Variants in SYNE1 observed in about 807,000 individuals in gnomAD.
SYNE1 encodes the protein nesprin-1.
Under a neutral mutation model 1,111.0 loss-of-function variants are expected in SYNE1, and 616 were observed. The ratio of observed to expected loss-of-function variants is 0.55; its 90% CI spans 0.52 to 0.59. The LOEUF (loss-of-function observed/expected upper bound fraction) is 0.59, where lower values mean the gene tolerates loss of function less well. SYNE1 is among the 20% of genes least tolerant of loss of function. The pLI is 0.00. For synonymous variants in SYNE1, 3,855 were observed against 3,825.8 expected (o/e 1.01, Z -0.28); for missense variants, 10,006 against 10,417.0 (o/e 0.96, Z 1.72).
intron 14 of SYNE1, among the ~76,000 whole-genome samples, chr6:152,472,972 G>C (rs1339672745): frequency 2.6e-5 from 4 of 152,040 alleles, no homozygotes; most frequent in Non-Finnish European, 5.9e-5. Flanking sequence ...ATACCCCATA[G>C]GTAACACAGT....
Position 152,380,940 on chromosome 6 carries a change from G to C in SYNE1, c.9009+66C>G, listed in dbSNP as rs2097402580. ...TTAGTTAGCAAGATTTTTTTTTTAAGGAATGATGAAAGTCAAAACATTTTT... is the reference window on the plus strand; with the variant it reads ...TTAGTTAGCAAGATTTTTTTTTTAACGAATGATGAAAGTCAAAACATTTTT... On this transcript the variant is annotated intron_variant, in intron 56 of 145. Transcript: ENST00000367255. 5 of 1,505,986 alleles carry C rather than the reference G, an allele frequency of 3.3e-6. No individual in the cohort carries two copies. The African/African-American group carries it at 4.1e-5, about 12-fold the overall frequency. 93.3% of individuals were successfully genotyped at this position (1,505,986 alleles called of 1,614,324 possible).
intron 9 of SYNE1, among the ~76,000 whole-genome samples, chr6:152,504,394 TCA>T (rs1299490807): frequency 6.6e-6 from 1 of 152,184 alleles, no homozygotes; most frequent in African/African-American, 2.4e-5. Context: ...CTAGGGAAGT[TCA>T]GTCTGAAATT....
At position 152,570,229 on chromosome 6, in the gene SYNE1, A is replaced by G. The variant is rs921723277; in HGVS notation, c.68-30208T>C. ...TTCTTTCTCAGCACCAAGCTATATAAAAGTTAAAACAGTTTATTTCCTCTA... is the reference window on the plus strand; with the variant it reads ...TTCTTTCTCAGCACCAAGCTATATAGAAGTTAAAACAGTTTATTTCCTCTA... On this transcript the variant is annotated intron_variant, in intron 3 of 145. Coordinates refer to ENST00000367255, the MANE Select transcript of SYNE1 (RefSeq NM_182961.4). Among the ~76,000 whole-genome samples, 9 of 152,222 alleles carry G rather than the reference A, an allele frequency of 5.9e-5. No homozygotes were observed. In the South Asian group the frequency reaches 1.0e-3, roughly 17 times the overall value.
chr6:152,455,791 G>A (rs2098691864), intron 23 of SYNE1, 95 bp downstream of exon 23: 1 of 1,551,222 alleles, frequency 6.4e-7, no homozygotes, highest in African/African-American at 1.4e-5. Flanking sequence ...AGCAGGTAAG[G>A]CGTTTTAGCA....
At chr6:152,252,378 C>T (rs1292967453) in intron 104 of SYNE1, among the ~76,000 whole-genome samples, 1 of 152,058 alleles carries the variant, frequency 6.6e-6, no homozygotes, top group African/African-American at 2.4e-5. Flanking sequence ...TTCCAATTTT[C>T]AAAATAATTT....
chr6:152,634,714 A>G (rs79413071), intron 2 of SYNE1, among the ~76,000 whole-genome samples: 1 of 152,254 alleles, frequency 6.6e-6, no homozygotes, highest in Non-Finnish European at 1.5e-5. Context: ...AGAAATCAGC[A>G]TGAAAGATGT....
chr6:152,628,900 A>G (rs1386248628), intron 2 of SYNE1, among the ~76,000 whole-genome samples: 1 of 152,192 alleles, frequency 6.6e-6, no homozygotes, highest in East Asian at 1.9e-4. Context: ...CTAGTTTTCA[A>G]TATGCACGGG....
chr6:152,371,772 G>A (rs1453999104), intron 59 of SYNE1, among the ~76,000 whole-genome samples: 3 of 123,922 alleles, frequency 2.4e-5, no homozygotes, highest in Non-Finnish European at 5.1e-5. Flanking sequence ...GGGAAGGGAG[G>A]AGAGGGGAGG....
intron 2 of SYNE1, among the ~76,000 whole-genome samples, chr6:152,628,943 C>T (rs2099691910): frequency 6.6e-6 from 1 of 152,134 alleles, no homozygotes; most frequent in Non-Finnish European, 1.5e-5. Flanking sequence ...CTGCTTTGCA[C>T]ATGTTTTGCT....
chr6:152,486,077 C>T (rs1035526543), intron 12 of SYNE1, among the ~76,000 whole-genome samples: 1 of 151,992 alleles, frequency 6.6e-6, no homozygotes, highest in Non-Finnish European at 1.5e-5. Flanking sequence ...TGCCTGTAGT[C>T]CCAGCTACTC....
Position 152,436,171 on chromosome 6 carries a change from C to T in SYNE1, c.4150-70G>A, listed in dbSNP as rs2098472393. ...TATCTCTGCCCTCAAATAAAGTGCACATATTGCATACAGAACAGATGGGTG... is the reference window on the plus strand; with the variant it reads ...TATCTCTGCCCTCAAATAAAGTGCATATATTGCATACAGAACAGATGGGTG... On this transcript the variant is annotated intron_variant, in intron 32 of 145. Coordinates refer to ENST00000367255, the MANE Select transcript of SYNE1 (RefSeq NM_182961.4). 3 of 1,523,716 alleles carry T rather than the reference C, an allele frequency of 2.0e-6. No individual in the cohort carries two copies. The East Asian group carries it at 6.7e-5, about 34-fold the overall frequency. The allele number at this position is 1,523,716 out of a possible 1,614,324, so 94.4% of individuals were successfully genotyped here. A position where few individuals can be genotyped will look rare whatever the true frequency, so the allele number is the denominator to read the frequency against.
intron 55 of SYNE1, among the ~76,000 whole-genome samples, chr6:152,382,297 C>T (rs2097433052): frequency 6.6e-6 from 1 of 151,774 alleles, no homozygotes; most frequent in African/African-American, 2.4e-5. Context: ...TAATCAGGCA[C>T]AAAAATGTTC....
chr6:152,539,855 T>C, intron 4 of SYNE1, 105 bp downstream of exon 4: 1 of 1,233,260 alleles, frequency 8.1e-7, no homozygotes, highest in South Asian at 1.2e-5. Flanking sequence ...GTATCATTGA[T>C]TCGCAACAGT....
intron 90 of SYNE1, among the ~76,000 whole-genome samples, chr6:152,309,584 T>A (rs2095486942): frequency 6.6e-6 from 1 of 152,202 alleles, no homozygotes; most frequent in African/African-American, 2.4e-5. Context: ...AAATTAATCT[T>A]TACAAGTTAT....
At chr6:152,413,303 C>T (rs1485055627) in intron 42 of SYNE1, 49 bp downstream of exon 42, 7 of 1,597,252 alleles carry the variant, frequency 4.4e-6, no homozygotes, top group African/African-American at 1.3e-5. Flanking sequence ...CCCAATGTCA[C>T]ATAATAAGTG....
At chr6:152,384,536 T>A (rs77544744) in intron 55 of SYNE1, among the ~76,000 whole-genome samples, 1 of 152,184 alleles carries the variant, frequency 6.6e-6, no homozygotes, top group Non-Finnish European at 1.5e-5. Flanking sequence ...AAAACATACA[T>A]AGTCATAAGA....
rs2098764409 is a variant in SYNE1, at chr6:152,466,009, C to T, written c.1702G>A (p.Glu568Lys). 3.1e-5 allele frequency: 50 copies of T among 1,612,886 alleles called. No homozygotes were observed. Among genetic ancestry groups the T allele is most frequent in the Non-Finnish European group, 4.2e-5 (50 of 1,179,128 alleles). The change falls in exon 17 of 146, where the codon GAG becomes AAG. Residue 568 changes from glutamate to lysine, a missense_variant. By Grantham distance (56) the Glu-to-Lys change is moderately conservative. Around this residue, in one of 7 missense-constraint regions of SYNE1, gnomAD observed 1,971 missense variants for 2,084.1 expected, o/e 0.95. Coordinates refer to ENST00000367255, the MANE Select transcript of SYNE1 (RefSeq NM_182961.4). The part of the protein sequence containing the change: ...VTYQILKQTA[E>K]MYVKADGSVE... Reference sequence around the variant, plus strand: ...GAACCATCTGCTTTGACATACATCTCAGCTGTCTGTTTCAAGATCTGGTAT... The same window carrying T: ...GAACCATCTGCTTTGACATACATCTTAGCTGTCTGTTTCAAGATCTGGTAT...
chr6:152,365,104 A>C, intron 62 of SYNE1, 85 bp from the exon 63 acceptor site: 5 of 1,546,800 alleles, frequency 3.2e-6, no homozygotes, highest in Admixed American at 1.7e-5. Context: ...TAAAGATCAC[A>C]GAATAATATG....
In SYNE1 at chr6:152,401,322, A is replaced by T. The variant is rs2097813015; in HGVS notation, c.6845T>A (p.Met2282Lys). The T allele has an allele frequency of 6.2e-7, 1 of 1,613,726 alleles. No homozygotes were observed. The highest frequency in any genetic ancestry group is 1.3e-5 in the African/African-American group (1 of 74,928). The change falls in exon 47 of 146, where the codon ATG (methionine) becomes AAG (lysine). Residue 2282 changes from methionine to lysine, a missense_variant. By Grantham distance (95) the Met-to-Lys change is moderately conservative. Around this residue, in one of 7 missense-constraint regions of SYNE1, gnomAD observed 4,955 missense variants for 5,017.2 expected, o/e 0.99. Coordinates refer to ENST00000367255, the MANE Select transcript of SYNE1 (RefSeq NM_182961.4). ...TTCTTTGGCATGCTCCAGTTTCTGC[A>T]TTAAGTCTGCTTCTATAAACTAAAT... ...PDLQFIEADL[M>K]QKLEHAKEIT...
Sources: allele counts gnomAD v4.1 joint callset (sites outside exome capture counted in the v4.1 genomes callset), GRCh38; gene constraint gnomAD v4.1.1; regional missense constraint gnomAD v4.1.1; transcripts MANE v1.5; gene names NCBI Gene and HGNC (gene_info 2026-07-23, HGNC 2026-07-21).